ASTN1: variants seen among roughly 807,000 people sequenced by gnomAD.
ASTN1 encodes astrotactin-1.
A neutral mutation model predicts 140.7 loss-of-function variants in ASTN1; 41 were observed. The observed-to-expected ratio is 0.29, with a 90% CI of 0.23 to 0.38. ASTN1 has a LOEUF of 0.38. Ranked by LOEUF, ASTN1 falls within the 10% of genes least tolerant of loss-of-function variation. The pLI is 1.00. For missense variants in ASTN1, 1,479 were observed against 1,678.8 expected (o/e 0.88, Z 2.08); for synonymous variants, 640 against 652.2 (o/e 0.98, Z 0.29).
At chr1:177,059,720 T>C (rs916937395) in intron 2 of ASTN1, among the ~76,000 whole-genome samples, 9 of 152,230 alleles carry the variant, frequency 5.9e-5, no homozygotes, top group African/African-American at 2.2e-4. Context: ...TTTCCATCTT[T>C]GGATAATAGG....
chr1:177,129,835 C>T (rs1202102758), intron 1 of ASTN1, among the ~76,000 whole-genome samples: 1 of 152,130 alleles, frequency 6.6e-6, no homozygotes, highest in African/African-American at 2.4e-5. Context: ...GACATGGTGG[C>T]ACGCACCTGT....
At chr1:177,050,486 C>A (rs1340619772) in intron 2 of ASTN1, among the ~76,000 whole-genome samples, 2 of 152,112 alleles carry the variant, frequency 1.3e-5, no homozygotes, top group Non-Finnish European at 2.9e-5. Flanking sequence ...CTTTGCTATT[C>A]AGGGACATCA....
intron 8 of ASTN1, among the ~76,000 whole-genome samples, chr1:176,968,321 T>A (rs1281899228): frequency 6.6e-6 from 1 of 151,918 alleles, no homozygotes; most frequent in East Asian, 1.9e-4. Flanking sequence ...CTATAAGGAG[T>A]GTTTCCCAAA....
intron 8 of ASTN1, among the ~76,000 whole-genome samples, chr1:176,979,156 G>C (rs1042154377): frequency 1.3e-5 from 2 of 152,174 alleles, no homozygotes; most frequent in African/African-American, 2.4e-5. Context: ...CTGGGCTATA[G>C]GGGGATCATG....
intron 1 of ASTN1, among the ~76,000 whole-genome samples, chr1:177,143,908 G>A (rs1038695685): frequency 6.6e-6 from 1 of 152,222 alleles, no homozygotes; most frequent in African/African-American, 2.4e-5. Flanking sequence ...TAAGTGAAAG[G>A]TAGGTGGGAA....
At chr1:176,909,978 G>A (rs1434655871) in intron 16 of ASTN1, among the ~76,000 whole-genome samples, 1 of 152,084 alleles carries the variant, frequency 6.6e-6, no homozygotes, top group African/African-American at 2.4e-5. Context: ...CTAAAGCCTA[G>A]TCTAGAGTCA....
chr1:176,869,030 GA>G lies in ASTN1; in HGVS notation c.3464-4del. ...ATTGTAGATCTTGTCTGCTATTTCT[GA>G]GGAAGGAGGAAAAGGAAAATAAGTT... is the stretch of plus-strand genomic sequence containing the variant. On this transcript the variant is annotated splice_polypyrimidine_tract_variant and splice_region_variant and intron_variant, in intron 21 of 22. Coordinates refer to ENST00000361833, the MANE Select transcript of ASTN1 (RefSeq NM_004319.3). The G allele has an allele frequency of 6.4e-7, 1 of 1,570,160 alleles. No homozygotes were observed. The highest frequency in any genetic ancestry group is 1.2e-5 in the South Asian group (1 of 80,772).
intron 21 of ASTN1, among the ~76,000 whole-genome samples, chr1:176,869,695 C>G (rs1668261454): frequency 6.6e-6 from 1 of 152,140 alleles, no homozygotes; most frequent in Admixed American, 6.5e-5. Context: ...CAGCTTCCAT[C>G]CATGATTGGT....
chr1:177,035,363 A>G lies in ASTN1; in HGVS notation c.472-2514T>C, dbSNP rs183263973. On this transcript the variant is annotated intron_variant, in intron 2 of 22. Transcript: ENST00000361833. ...GGACAGAATAGGAGAGTATGGATGA[A>G]TACATCCAGACCCATTGTCAGTTCT... Among the ~76,000 whole-genome samples the G allele has an allele frequency of 3.2e-3, 488 of 152,336 alleles. 1 individual carries two copies. The highest frequency in any genetic ancestry group is 5.1e-3 in the Non-Finnish European group (344 of 68,034).
chr1:176,977,702 C>A (rs1008548308), intron 8 of ASTN1, among the ~76,000 whole-genome samples: 9 of 152,206 alleles, frequency 5.9e-5, no homozygotes, highest in African/African-American at 2.2e-4. Flanking sequence ...TTATATTAGT[C>A]TTATTTAACA....
In ASTN1 at chr1:177,152,748, T is replaced by C. The variant is rs531248327; in HGVS notation, c.283+11646A>G. On this transcript the variant is annotated intron_variant, in intron 1 of 22. Transcript: ENST00000361833. Reference sequence around the variant, plus strand: ...AACCAGATAAGCCAGTTAAAGTTTATACGGAAAAACGGAATGGATAGGAGA... The same window carrying C: ...AACCAGATAAGCCAGTTAAAGTTTACACGGAAAAACGGAATGGATAGGAGA... Among the ~76,000 whole-genome samples the C allele has an allele frequency of 1.8e-3, 275 of 152,206 alleles. 2 individuals are homozygous for C. The highest frequency in any genetic ancestry group is 6.3e-3 in the African/African-American group (260 of 41,542).
At chr1:177,132,932 T>C (rs1339880006) in intron 1 of ASTN1, among the ~76,000 whole-genome samples, 4 of 152,206 alleles carry the variant, frequency 2.6e-5, no homozygotes, top group African/African-American at 9.6e-5. Flanking sequence ...GTTCCAATAT[T>C]GGTGGTTTCC....
At position 177,164,457 on chromosome 1, in the gene ASTN1, A is replaced by G; in HGVS notation, c.220T>C (p.Phe74Leu). Residue 74 changes from phenylalanine to leucine, a missense_variant, in exon 1 of 23, where the codon TTC becomes CTC. Around this residue, in one of 3 missense-constraint regions of ASTN1, gnomAD observed 729 missense variants for 860.4 expected, o/e 0.85. Coordinates refer to ENST00000361833, the MANE Select transcript of ASTN1 (RefSeq NM_004319.3). The stretch of plus-strand genomic sequence containing the variant: ...TCCACCACGACCATTTCTCCCGGGA[A>G]GTCGTTGCGCACCGAGAAGAGGAGC... ...PKLLFSVRND[F>L]PGEMVVVDDL... 3.1e-6 allele frequency: 5 copies of G among 1,613,728 alleles called. No individual in the cohort carries two copies. The highest frequency in any genetic ancestry group is 4.2e-6 in the Non-Finnish European group (5 of 1,179,830).
At chr1:177,009,527 T>A (rs1210783321) in intron 8 of ASTN1, among the ~76,000 whole-genome samples, 1 of 152,106 alleles carries the variant, frequency 6.6e-6, no homozygotes, top group African/African-American at 2.4e-5. Context: ...AGATATAGAT[T>A]CCCTAAGCAG....
chr1:176,862,156 T>C lies in ASTN1; in HGVS notation c.*2128A>G. The C allele has an allele frequency of 1.0e-6, 1 of 985,466 alleles. No homozygotes were observed. Among genetic ancestry groups the C allele is most frequent in the Non-Finnish European group, 1.2e-6 (1 of 829,950 alleles). The allele number at this position is 985,466 out of a possible 1,614,324, so 61.0% of individuals were successfully genotyped here. A position where few individuals can be genotyped will look rare whatever the true frequency, so the allele number is the denominator to read the frequency against. On this transcript the variant is annotated 3_prime_UTR_variant, in exon 23 of 23. Coordinates refer to ENST00000361833, the MANE Select transcript of ASTN1 (RefSeq NM_004319.3). ...TATTTGCCCCTTGAGGCACTTTAAC[T>C]GAGGCTCCAGCATTTGCCACAGGTG...
At chr1:176,857,924 G>T (rs1476639627), downstream of ASTN1, among the ~76,000 whole-genome samples, 1 of 152,162 alleles carries the variant, frequency 6.6e-6, no homozygotes, top group Non-Finnish European at 1.5e-5. Context: ...TGGTATTTCA[G>T]AGAACACTGC....
chr1:176,984,424 G>A (rs1283620924), intron 8 of ASTN1, among the ~76,000 whole-genome samples: 1 of 152,172 alleles, frequency 6.6e-6, no homozygotes, highest in Non-Finnish European at 1.5e-5. Context: ...GCCTTGTAAG[G>A]TAGTGAGGTT....
chr1:177,046,188 T>C (rs1029631041), intron 2 of ASTN1, among the ~76,000 whole-genome samples: 16 of 152,272 alleles, frequency 1.1e-4, no homozygotes, highest in African/African-American at 3.6e-4. Context: ...CACTGAAGGC[T>C]CAGTGTTCCC....
At chr1:177,093,123 G>A (rs1296902153) in intron 1 of ASTN1, among the ~76,000 whole-genome samples, 1 of 152,172 alleles carries the variant, frequency 6.6e-6, no homozygotes, top group Non-Finnish European at 1.5e-5. Flanking sequence ...CTGGTACATG[G>A]TAAAGCTCTG....
Sources: gnomAD v4.1 joint callset for allele counts (sites outside exome capture counted in the v4.1 genomes callset) on GRCh38, gnomAD v4.1.1 for gene constraint, gnomAD v4.1.1 regional missense constraint, MANE v1.5 for transcripts, NCBI Gene and HGNC (gene_info 2026-07-23, HGNC 2026-07-21) for gene names.